Variants in CASD1 observed in about 807,000 individuals in gnomAD.
CASD1 encodes N-acetylneuraminate (7)9-O-acetyltransferase.
In CASD1, 41 loss-of-function variants were observed where a neutral mutation model predicts 100.0. The observed-to-expected ratio is 0.41, with a 90% CI of 0.32 to 0.53. The LOEUF is 0.53. Among genes scored for constraint, CASD1 ranks in the 20% least tolerant of loss-of-function variants. The probability of loss-of-function intolerance (pLI) is 0.25; values close to 1 mark genes in which losing one functional copy is unlikely to be tolerated. For missense variants in CASD1, 774 were observed against 948.7 expected, an observed-to-expected ratio of 0.82 and a Z score of 2.42; for synonymous variants, 321 against 315.6, an observed-to-expected ratio of 1.02 and a Z score of -0.18.
chr7:94,521,761 A>G (rs1402307740), intron 3 of CASD1, among the ~76,000 whole-genome samples: 1 of 152,196 alleles, frequency 6.6e-6, no homozygotes, highest in African/African-American at 2.4e-5. Flanking sequence ...TGAAAAAGCT[A>G]CATATATGTG....
At chr7:94,619,833 A>T in the CASD1 span, 1 of 152,212 alleles carries the variant, frequency 6.6e-6, no homozygotes, top group Non-Finnish European at 1.5e-5. Flanking sequence ...AGAGAGGTCC[A>T]GAAGCTTATC....
At chr7:94,608,891 C>A in the CASD1 span, among the ~76,000 whole-genome samples, 3 of 152,178 alleles carry the variant, frequency 2.0e-5, no homozygotes, top group African/African-American at 7.2e-5. Context: ...AATCTAGATA[C>A]ATATGCCCTT....
chr7:94,528,481 T>C (rs947769837), intron 5 of CASD1, among the ~76,000 whole-genome samples: 1 of 152,140 alleles, frequency 6.6e-6, no homozygotes, highest in African/African-American at 2.4e-5. Flanking sequence ...AGATTATGTT[T>C]ATCCCAGACT....
chr7:94,587,714 G>T, the CASD1 span: 21 of 1,534,182 alleles, frequency 1.4e-5, no homozygotes, highest in Non-Finnish European at 1.8e-5. Context: ...AATCAAAATT[G>T]TAGGGAAAAA....
intron 10 of CASD1, among the ~76,000 whole-genome samples, chr7:94,542,349 G>GCTTA (rs1795446414): frequency 6.6e-6 from 1 of 152,132 alleles, no homozygotes; most frequent in African/African-American, 2.4e-5. Flanking sequence ...ATTCAGATGT[G>GCTTA]CTGTAAGTGT....
chr7:94,621,026 C>T, the CASD1 span: 4 of 152,254 alleles, frequency 2.6e-5, no homozygotes, highest in East Asian at 3.8e-4. Flanking sequence ...TATGTACTCT[C>T]CTTGAGCTTC....
At chr7:94,604,302 A>T in the CASD1 span, among the ~76,000 whole-genome samples, 5 of 152,112 alleles carry the variant, frequency 3.3e-5, no homozygotes, top group East Asian at 9.6e-4. Flanking sequence ...TAGGAAAAAA[A>T]TGACAATGTA....
intron 8 of CASD1, among the ~76,000 whole-genome samples, chr7:94,536,225 A>G (rs1441968648): frequency 6.6e-6 from 1 of 152,186 alleles, no homozygotes; most frequent in African/African-American, 2.4e-5. Flanking sequence ...CCTGGGTGAC[A>G]GAGAGAGACT....
chr7:94,547,125 T>A lies in CASD1; in HGVS notation c.1663T>A (p.Leu555Met). The A allele has an allele frequency of 6.3e-7, 1 of 1,595,530 alleles. No individual in the cohort carries two copies. Among genetic ancestry groups the A allele is most frequent in the Non-Finnish European group, 8.5e-7 (1 of 1,170,504 alleles). ...GNCFWHFGLL[L>M]KLGFLLLFIC... ...TTGTTTCTGGCATTTTGGCTTACTGTTGAAACTAGGCTTTTTGCTGTTATT... is the reference window on the plus strand; with the variant it reads ...TTGTTTCTGGCATTTTGGCTTACTGATGAAACTAGGCTTTTTGCTGTTATT... The change falls in exon 13 of 18, where the codon TTG becomes ATG. Residue 555 changes from leucine (L) to methionine (M), a missense_variant. By Grantham distance (15) the Leu-to-Met change is conservative. This residue lies in a region of CASD1 where 453 missense variants were observed against 532.6 expected (regional missense o/e 0.85). Coordinates refer to ENST00000297273, the MANE Select transcript of CASD1 (RefSeq NM_022900.5).
intron 1 of CASD1, among the ~76,000 whole-genome samples, chr7:94,510,432 G>C (rs1338374645): frequency 6.6e-6 from 1 of 152,192 alleles, no homozygotes. Context: ...ATGGCTGGTG[G>C]TTCTGGGCGC....
the CASD1 span, chr7:94,619,030 G>A: frequency 9.3e-7 from 1 of 1,078,268 alleles, no homozygotes; most frequent in Non-Finnish European, 1.4e-6. Flanking sequence ...AGAACAATTT[G>A]CGATTTGTTG....
chr7:94,586,997 G>T, the CASD1 span: 1 of 983,866 alleles, frequency 1.0e-6, no homozygotes, highest in South Asian at 4.7e-5. Context: ...GCAGAAAAAT[G>T]TAAGAAAACA....
intron 3 of CASD1, among the ~76,000 whole-genome samples, chr7:94,520,974 C>T (rs1794236058): frequency 6.6e-6 from 1 of 152,096 alleles, no homozygotes; most frequent in Admixed American, 6.5e-5. Flanking sequence ...TGCTTGTAAT[C>T]CTAGCTACTC....
chr7:94,633,968 A>G, the CASD1 span, among the ~76,000 whole-genome samples: 1 of 152,272 alleles, frequency 6.6e-6, no homozygotes, highest in South Asian at 2.1e-4. Flanking sequence ...TTACATGGCT[A>G]TAAAGATAAA....
At position 94,547,565 on chromosome 7, in the gene CASD1, A is replaced by G. The variant is rs1584428078; in HGVS notation, c.1713+390A>G. ...TATTGATTTTTCCATAACTACATAG[A>G]GTAAAATTTTAGCAGTTAGTACAAC... On this transcript the variant is annotated intron_variant, in intron 13 of 17. Transcript: ENST00000297273. 3.9e-5 allele frequency among the ~76,000 whole-genome samples: 6 copies of G among 151,928 alleles called. No individual in the cohort carries two copies. The South Asian group carries it at 1.2e-3, about 31-fold the overall frequency.
intron 9 of CASD1, 136 bp downstream of exon 9, chr7:94,538,030 A>G (rs1190045876): frequency 1.7e-6 from 1 of 604,616 alleles, no homozygotes; most frequent in Non-Finnish European, 2.8e-6. Flanking sequence ...GATTGTAGTT[A>G]CACTTCACTT....
rs1462396311 is a variant in CASD1 at position 94,510,076 on chromosome 7, G to C, written c.-9G>C. ...CTCCGCCGCGCACTGTTGTCATGGAGGAACCAAGATGGCGGCTCTGGCCTA... is the reference window on the plus strand; with the variant it reads ...CTCCGCCGCGCACTGTTGTCATGGACGAACCAAGATGGCGGCTCTGGCCTA... On this transcript the variant is annotated 5_prime_UTR_variant, in exon 1 of 18. Transcript: ENST00000297273. 1 of 1,513,464 alleles carries C rather than the reference G, an allele frequency of 6.6e-7. No homozygotes were observed. The highest frequency in any genetic ancestry group is 8.9e-7 in the Non-Finnish European group (1 of 1,128,356). The allele number at this position is 1,513,464 out of a possible 1,614,324, so 93.8% of individuals were successfully genotyped here.
At chr7:94,515,119 T>G (rs1310497540) in intron 1 of CASD1, among the ~76,000 whole-genome samples, 3 of 152,098 alleles carry the variant, frequency 2.0e-5, no homozygotes, top group Admixed American at 6.5e-5. Flanking sequence ...AGTCATTCTC[T>G]TCTTGCTTTT....
At chr7:94,546,188 G>A (rs918792972) in intron 12 of CASD1, among the ~76,000 whole-genome samples, 5 of 151,834 alleles carry the variant, frequency 3.3e-5, no homozygotes, top group African/African-American at 1.2e-4. Flanking sequence ...CTAATATAAT[G>A]TATTTTCTAG....
Sources: allele counts gnomAD v4.1 joint callset (sites outside exome capture counted in the v4.1 genomes callset), GRCh38; gene constraint gnomAD v4.1.1; regional missense constraint gnomAD v4.1.1; transcripts MANE v1.5; gene names NCBI Gene and HGNC (gene_info 2026-07-23, HGNC 2026-07-21).